POLN: variants seen among roughly 807,000 people sequenced by gnomAD.
The protein encoded by POLN is DNA polymerase N.
A neutral mutation model predicts 113.5 loss-of-function variants in POLN; 108 were observed. That is an observed-to-expected ratio of 0.95 (90% CI 0.81 to 1.12). The LOEUF is 1.12. Ranked by LOEUF, POLN falls within the 50% of genes most tolerant of loss-of-function variation. The probability of loss-of-function intolerance (pLI) is 0.00; values close to 1 mark genes in which losing one functional copy is unlikely to be tolerated. For missense variants in POLN, 1,097 were observed against 1,077.1 expected (o/e 1.02, Z -0.26); for synonymous variants, 386 against 391.5 (o/e 0.99, Z 0.17).
At chr4:2,114,232 T>C (rs776328629) in intron 19 of POLN, among the ~76,000 whole-genome samples, 6 of 151,910 alleles carry the variant, frequency 3.9e-5, no homozygotes, top group Non-Finnish European at 8.8e-5. Flanking sequence ...CAGAACTATA[T>C]ATAAACTACA....
chr4:2,222,456 G>C (rs2108770435), intron 3 of POLN, among the ~76,000 whole-genome samples: 1 of 151,986 alleles, frequency 6.6e-6, no homozygotes, highest in South Asian at 2.1e-4. Flanking sequence ...AGAATCACCT[G>C]AGGTCCGGAG....
intron 8 of POLN, chr4:2,177,269 C>A (rs560125085): frequency 1.8e-4 from 86 of 478,482 alleles, no homozygotes; most frequent in Non-Finnish European, 4.6e-5. Context: ...CCTAAATCTT[C>A]TCTGGCTCCC....
At chr4:2,079,248 G>A in intron 23 of POLN, 1 of 293,026 alleles carries the variant, frequency 3.4e-6, no homozygotes, top group South Asian at 1.3e-4. Flanking sequence ...AACTTTTCTA[G>A]ACTTGCAGTA....
chr4:2,156,594 A>T (rs1165135275), intron 16 of POLN, 194 bp downstream of exon 16: 1 of 655,908 alleles, frequency 1.5e-6, no homozygotes, highest in Non-Finnish European at 2.8e-6. Flanking sequence ...CTAACTCAGC[A>T]CTTCATGAGA....
chr4:2,162,932 C>T (rs918590352), intron 13 of POLN, among the ~76,000 whole-genome samples: 5 of 148,828 alleles, frequency 3.4e-5, no homozygotes, highest in Admixed American at 6.8e-5. Context: ...TAGACTATGT[C>T]CTTAAATAGT....
rs1560091759 is a variant in POLN, at chr4:2,201,297, A to AAAC, written c.715-2581_715-2580insGTT. ...CACTCCAAAAAAAAAAAAAAAAAAA[A>AAAC]AAAAAACGAGGGGAGAAATTTTCAA... On this transcript the variant is annotated intron_variant, in intron 5 of 25. Coordinates refer to ENST00000511885, the MANE Select transcript of POLN (RefSeq NM_181808.4). Among the ~76,000 whole-genome samples, 7 of 147,768 alleles carry AAAC rather than the reference A, an allele frequency of 4.7e-5. 1 individual carries two copies. Among genetic ancestry groups the AAAC allele is most frequent in the Admixed American group, 6.7e-5 (1 of 14,912 alleles).
Position 2,208,176 on chromosome 4 carries a change from T to C in POLN, c.525A>G (p.Glu175=). Residue 175 remains glutamate (E), a synonymous_variant, in exon 5 of 26, where the codon GAA becomes GAG. Transcript: ENST00000511885. ...SEKTSKQMAL[E]EDTDDAEGYL... ...AGCCTTCGGCGTCATCAGTATCTTCTTCCAATGCCATTTGTTTACTTGTTT... is the reference window on the plus strand; with the variant it reads ...AGCCTTCGGCGTCATCAGTATCTTCCTCCAATGCCATTTGTTTACTTGTTT... 6.2e-7 allele frequency: 1 copy of C among 1,613,294 alleles called. No homozygotes were observed. Among genetic ancestry groups the C allele is most frequent in the Non-Finnish European group, 8.5e-7 (1 of 1,179,234 alleles).
chr4:2,201,254 G>A (rs1048372845), intron 5 of POLN, among the ~76,000 whole-genome samples: 1 of 101,524 alleles, frequency 9.8e-6, no homozygotes, highest in East Asian at 3.4e-4. Flanking sequence ...GTGACAGAGT[G>A]AGACTCTGTC....
chr4:2,176,015 T>C (rs146081978), intron 9 of POLN, among the ~76,000 whole-genome samples: 1 of 152,340 alleles, frequency 6.6e-6, no homozygotes, highest in African/African-American at 2.4e-5. Context: ...AACTATGGCA[T>C]TGGAAACATC....
In POLN at chr4:2,229,184, C is replaced by T. The variant is rs548803141; in HGVS notation, c.48G>A (p.Pro16=). 2.5e-5 allele frequency: 40 copies of T among 1,610,524 alleles called. No individual in the cohort carries two copies. Among genetic ancestry groups the T allele is most frequent in the African/African-American group, 9.3e-5 (7 of 74,930 alleles). Residue 16 remains proline (P), a synonymous_variant, in exon 3 of 26, where the codon CCG becomes CCA. Coordinates refer to ENST00000511885, the MANE Select transcript of POLN (RefSeq NM_181808.4). ...ALVGFDLCNT[P]LSSVAQKIMS... is the part of the protein sequence containing the mutation. ...TAATCTTCTGAGCAACACTGGAGAG[C>T]GGTGTATTACAGAGATCAAAGCCTA...
Position 2,171,082 on chromosome 4 carries a change from C to CA in POLN, c.1458+15dup. Reference sequence around the variant, plus strand: ...TAAGAAATACATTTTATGAAAGAACCAAAATTCAGCTTTACCTCTCGAAGC... The same window carrying CA: ...TAAGAAATACATTTTATGAAAGAACCAAAAATTCAGCTTTACCTCTCGAAGC... On this transcript the variant is annotated intron_variant, in intron 12 of 25. Coordinates refer to ENST00000511885, the MANE Select transcript of POLN (RefSeq NM_181808.4). The CA allele has an allele frequency of 3.1e-6, 5 of 1,596,310 alleles. No homozygotes were observed. The East Asian group carries it at 1.1e-4, about 36-fold the overall frequency.
intron 19 of POLN, among the ~76,000 whole-genome samples, chr4:2,101,448 C>T (rs149293451): frequency 1.8e-3 from 274 of 152,304 alleles, no homozygotes; most frequent in African/African-American, 6.0e-3. Flanking sequence ...CTGCATGGCC[C>T]GGACGGGCTG....
intron 3 of POLN, among the ~76,000 whole-genome samples, chr4:2,215,342 C>T (rs1354896857): frequency 6.6e-6 from 1 of 152,136 alleles, no homozygotes; most frequent in Non-Finnish European, 1.5e-5. Flanking sequence ...AGATGTTACG[C>T]ACATAACACT....
intron 20 of POLN, chr4:2,089,166 C>A (rs947701476): frequency 1.8e-5 from 25 of 1,428,124 alleles, no homozygotes; most frequent in East Asian, 2.5e-5. Context: ...TTCCAGGAGA[C>A]CTCACTTCAG....
chr4:2,084,216 T>G (rs1210789886), intron 21 of POLN, among the ~76,000 whole-genome samples: 1 of 152,264 alleles, frequency 6.6e-6, no homozygotes, highest in African/African-American at 2.4e-5. Flanking sequence ...TGGAATCATT[T>G]TGAAGGACAA....
chr4:2,159,880 CATTCCACCTTTGATGGATATGTG>C (rs146342171), intron 13 of POLN, among the ~76,000 whole-genome samples: 6,041 of 152,246 alleles, frequency 0.04, 435 homozygotes, highest in African/African-American at 0.14. Context: ...GAACATTACC[CATTCCACCTTTGATGGATATGTG>C]TTTTTTTCCA....
chr4:2,106,842 T>A (rs2108708475), intron 19 of POLN, among the ~76,000 whole-genome samples: 1 of 152,332 alleles, frequency 6.6e-6, no homozygotes, highest in African/African-American at 2.4e-5. Context: ...TCTTTTTTAG[T>A]GCTCCTCTTA....
chr4:2,150,330 A>G (rs935659039), intron 16 of POLN, among the ~76,000 whole-genome samples: 1 of 152,066 alleles, frequency 6.6e-6, no homozygotes, highest in African/African-American at 2.4e-5. Context: ...TATTAGACAA[A>G]ATAGATTTCA....
In POLN at chr4:2,238,828, A is replaced by T. The variant is rs1270384539; in HGVS notation, c.-13+2692T>A. 5 of 1,612,892 alleles carry T rather than the reference A, an allele frequency of 3.1e-6. No homozygotes were observed. The Admixed American group carries it at 8.3e-5, about 27-fold the overall frequency. On this transcript the variant is annotated intron_variant, in intron 2 of 25. Transcript: ENST00000511885. Reference sequence around the variant, plus strand: ...ATGATGCCTTTTGTTTTATTAATTGATTTAAAACTAACTCTTGTCTTGCTG... The same window carrying T: ...ATGATGCCTTTTGTTTTATTAATTGTTTTAAAACTAACTCTTGTCTTGCTG...
Sources: allele counts gnomAD v4.1 joint callset (sites outside exome capture counted in the v4.1 genomes callset), GRCh38; gene constraint gnomAD v4.1.1; transcripts MANE v1.5; gene names NCBI Gene and HGNC (gene_info 2026-07-23, HGNC 2026-07-21).